Variants in JADE3 observed in about 807,000 individuals in gnomAD.
The protein encoded by JADE3 is jade family PHD finger 3.
In JADE3, 2 loss-of-function variants were observed where a neutral mutation model predicts 50.1. The ratio of observed to expected loss-of-function variants is 0.04; its 90% CI spans 0.02 to 0.13. The LOEUF is 0.13. Among genes scored for constraint, JADE3 ranks in the 10% least tolerant of loss-of-function variants. The pLI, the probability that JADE3 is intolerant of heterozygous loss-of-function variation, is 1.00. For missense variants in JADE3, 475 were observed against 634.4 expected (o/e 0.75, Z 2.70); for synonymous variants, 218 against 232.9 (o/e 0.94, Z 0.58).
rs1282408464 is a variant in JADE3, at chrX:46,969,130, A to G, written c.-11-15754A>G. On this transcript the variant is annotated intron_variant, in intron 1 of 10. Coordinates refer to ENST00000614628, the MANE Select transcript of JADE3 (RefSeq NM_014735.5). ...ATCAAAGTAGAAATCAAAAACAGAA[A>G]GACGGCTGGGTGTGGTGGCTCACGC... Among the ~76,000 whole-genome samples the G allele has an allele frequency of 2.7e-5, 3 of 112,774 alleles. No individual in the cohort carries two copies. In the Admixed American group the frequency reaches 2.8e-4, roughly 11 times the overall value.
chrX:47,037,302 A>G (rs1439200277), intron 7 of JADE3, among the ~76,000 whole-genome samples: 2 of 111,256 alleles, frequency 1.8e-5, no homozygotes, highest in Non-Finnish European at 3.8e-5. Flanking sequence ...CATTACACGG[A>G]TGTGCTGTTT....
At chrX:46,939,515 C>A (rs1409057754) in intron 1 of JADE3, among the ~76,000 whole-genome samples, 1 of 111,573 alleles carries the variant, frequency 9.0e-6, no homozygotes, top group African/African-American at 3.3e-5. Flanking sequence ...TTGTTAAAAA[C>A]GGACTAGAAT....
intron 1 of JADE3, among the ~76,000 whole-genome samples, chrX:46,950,310 C>G (rs1427155329): frequency 8.9e-6 from 1 of 112,057 alleles, no homozygotes; most frequent in Admixed American, 9.6e-5. Flanking sequence ...CACTCTTCTC[C>G]CCTCAGCCCT....
intron 1 of JADE3, among the ~76,000 whole-genome samples, chrX:46,944,172 G>T (rs376233610): frequency 9.1e-6 from 1 of 109,946 alleles, no homozygotes. Flanking sequence ...AATTCTGTGT[G>T]TGGATTTCCG....
At chrX:46,925,822 TAA>T (rs35435904) in intron 1 of JADE3, among the ~76,000 whole-genome samples, 19 of 79,518 alleles carry the variant, frequency 2.4e-4, no homozygotes, top group South Asian at 6.4e-4. Flanking sequence ...AGACTCCGTC[TAA>T]AAAAAAAAAA....
intron 8 of JADE3, among the ~76,000 whole-genome samples, chrX:47,043,205 C>T (rs1929302071): frequency 8.9e-6 from 1 of 111,771 alleles, no homozygotes; most frequent in African/African-American, 3.3e-5. Context: ...GATCACAACA[C>T]CCAAGTCCCT....
intron 1 of JADE3, among the ~76,000 whole-genome samples, chrX:46,952,998 A>T (rs1360367009): frequency 9.0e-6 from 1 of 111,135 alleles, no homozygotes; most frequent in Non-Finnish European, 1.9e-5. Flanking sequence ...CTCAAAAAAA[A>T]AAAAAGCAAT....
intron 1 of JADE3, among the ~76,000 whole-genome samples, chrX:46,917,837 CTCT>C (rs1556336781): frequency 1.1e-5 from 1 of 88,880 alleles, no homozygotes; most frequent in Non-Finnish European, 2.2e-5. Flanking sequence ...CTCTCATCCT[CTCT>C]CTCTCTCTCT....
chrX:46,998,459 C>T (rs1243704292), intron 4 of JADE3, among the ~76,000 whole-genome samples, 182 bp downstream of exon 4: 3 of 109,769 alleles, frequency 2.7e-5, no homozygotes, highest in Non-Finnish European at 5.7e-5. Context: ...AAGTCAGGCT[C>T]ATGTATTTAG....
rs1333426135 is a variant in JADE3, at chrX:47,061,123, C to A, written c.*2046C>A. 8.9e-6 allele frequency: 1 copy of A among 111,768 alleles called. No homozygotes were observed. Among genetic ancestry groups the A allele is most frequent in the African/African-American group, 3.3e-5 (1 of 30,708 alleles). 9.2% of individuals were successfully genotyped at this position (111,768 alleles called of 1,213,427 possible). On this transcript the variant is annotated 3_prime_UTR_variant, in exon 11 of 11. Coordinates refer to ENST00000614628, the MANE Select transcript of JADE3 (RefSeq NM_014735.5). ...TGTTGTTTGAAGTATTACCTCTTAACCTTCTTTGTTAATTTTTTTCATTTT... is the reference window on the plus strand; with the variant it reads ...TGTTGTTTGAAGTATTACCTCTTAAACTTCTTTGTTAATTTTTTTCATTTT...
intron 1 of JADE3, among the ~76,000 whole-genome samples, chrX:46,917,832 A>AT (rs1926126390): frequency 6.2e-4 from 5 of 8,045 alleles, no homozygotes; most frequent in Admixed American, 2.6e-3. Context: ...ACTCTCTCTC[A>AT]TCCTCTCTCT....
At chrX:46,963,091 C>G (rs1461607501) in intron 1 of JADE3, among the ~76,000 whole-genome samples, 2 of 111,659 alleles carry the variant, frequency 1.8e-5, no homozygotes, top group East Asian at 5.6e-4. Flanking sequence ...CCCGCCTCGG[C>G]CTCCCAAAGT....
At chrX:47,019,654 T>C (rs1928752297) in intron 4 of JADE3, among the ~76,000 whole-genome samples, 1 of 112,588 alleles carries the variant, frequency 8.9e-6, no homozygotes, top group Non-Finnish European at 1.9e-5. Flanking sequence ...CTAATCCACT[T>C]ATTAGGAAAT....
In JADE3 at chrX:47,018,909, C is replaced by T. The variant is rs782571325; in HGVS notation, c.285-5815C>T. ...GAATCAACTGAAGGCTTATTCACTG[C>T]GTGTCTGTGTAACAGCCCATCCCTG... On this transcript the variant is annotated intron_variant, in intron 4 of 10. Coordinates refer to ENST00000614628, the MANE Select transcript of JADE3 (RefSeq NM_014735.5). 2.0e-3 allele frequency among the ~76,000 whole-genome samples: 219 copies of T among 111,873 alleles called. 1 individual carries two copies. The highest frequency in any genetic ancestry group is 3.4e-3 in the Non-Finnish European group (180 of 53,149).
intron 4 of JADE3, among the ~76,000 whole-genome samples, chrX:47,005,403 G>C (rs1928391838): frequency 9.0e-6 from 1 of 110,937 alleles, no homozygotes; most frequent in Admixed American, 9.6e-5. Context: ...ATCACACCCA[G>C]CTAATTTTTG....
chrX:46,963,956 A>G (rs1384755493), intron 1 of JADE3, among the ~76,000 whole-genome samples: 1 of 112,049 alleles, frequency 8.9e-6, no homozygotes, highest in Non-Finnish European at 1.9e-5. Flanking sequence ...ACAGATACAA[A>G]TTACTCTTTT....
intron 6 of JADE3, among the ~76,000 whole-genome samples, chrX:47,028,868 A>G (rs1309865756): frequency 9.0e-6 from 1 of 111,327 alleles, no homozygotes; most frequent in African/African-American, 3.3e-5. Flanking sequence ...CCACACTCCA[A>G]TTTGTAAATG....
At chrX:46,989,795 C>T (rs1927943291) in intron 3 of JADE3, among the ~76,000 whole-genome samples, 1 of 111,519 alleles carries the variant, frequency 9.0e-6, no homozygotes, top group South Asian at 3.7e-4. Context: ...TTTTCAACTC[C>T]ACCTTCTTTT....
intron 1 of JADE3, among the ~76,000 whole-genome samples, chrX:46,952,402 C>T (rs1367252145): frequency 8.9e-6 from 1 of 111,947 alleles, no homozygotes; most frequent in Non-Finnish European, 1.9e-5. Flanking sequence ...TCACCTCTGT[C>T]GTGTGTGTGC....
Sources: allele counts gnomAD v4.1 joint callset (sites outside exome capture counted in the v4.1 genomes callset), GRCh38; gene constraint gnomAD v4.1.1; transcripts MANE v1.5; gene names NCBI Gene and HGNC (gene_info 2026-07-23, HGNC 2026-07-21).